MYBPC2: variants seen among roughly 807,000 people sequenced by gnomAD.
MYBPC2 encodes the protein myosin binding protein C2.
A neutral mutation model predicts 137.0 loss-of-function variants in MYBPC2; 122 were observed. The ratio of observed to expected loss-of-function variants is 0.89; its 90% confidence interval spans 0.77 to 1.03. The LOEUF (loss-of-function observed/expected upper bound fraction) is 1.03, where lower values mean the gene tolerates loss of function less well. Among genes scored for constraint, MYBPC2 ranks in the 50% least tolerant of loss-of-function variants. The pLI is 0.00. For synonymous variants in MYBPC2, 626 were observed against 612.3 expected (o/e 1.02, Z -0.33); for missense variants, 1,500 against 1,534.4 (o/e 0.98, Z 0.37).
At position 50,444,836 on chromosome 19, in the gene MYBPC2, C is replaced by T. The variant is rs564690500; in HGVS notation, c.1133+1020C>T. Among the ~76,000 whole-genome samples, 752 of 141,670 alleles carry T rather than the reference C, an allele frequency of 5.3e-3. 3 individuals are homozygous for T. Among genetic ancestry groups the T allele is most frequent in the Non-Finnish European group, 8.6e-3 (573 of 66,526 alleles). The allele number at this position is 141,670 out of a possible 152,430, so 92.9% of individuals were successfully genotyped here. On this transcript the variant is annotated intron_variant, in intron 11 of 27. Coordinates refer to ENST00000357701, the MANE Select transcript of MYBPC2 (RefSeq NM_004533.4). ...CGGAGCTTGCAGTGAGCCGAGATCG[C>T]GCCACTGCACTCCAACCTGGGAGAC...
chr19:50,451,945 T>C lies in MYBPC2; in HGVS notation c.1691T>C (p.Leu564Pro), dbSNP rs770202586. The C allele has an allele frequency of 4.5e-6, 7 of 1,564,326 alleles. No homozygotes were observed. The Admixed American group carries it at 1.2e-4, about 26-fold the overall frequency. ...GTTGTGGCTGGAAACAAGCTGAGGC[T>C]TGACGTGTCCATCACAGGGGAGCCC... ...IVVVAGNKLR[L>P]DVSITGEPPP... The change falls in exon 16 of 28, where the codon CTT becomes CCT. Residue 564 changes from leucine to proline, a missense_variant. Leu to Pro is a moderately conservative substitution (Grantham distance 98, BLOSUM62 -3). Coordinates refer to ENST00000357701, the MANE Select transcript of MYBPC2 (RefSeq NM_004533.4).
chr19:50,434,507 G>A, intron 1 of MYBPC2, among the ~76,000 whole-genome samples: 1 of 152,192 alleles, frequency 6.6e-6, no homozygotes, highest in East Asian at 1.9e-4. Context: ...TCATTTCTGT[G>A]GGCACTGAGG....
At position 50,437,704 on chromosome 19, in the gene MYBPC2, C is replaced by T; in HGVS notation, c.558C>T (p.Gly186=). 1 of 1,603,756 alleles carries T rather than the reference C, an allele frequency of 6.2e-7. No individual in the cohort carries two copies. The highest frequency in any genetic ancestry group is 1.1e-5 in the South Asian group (1 of 88,914). The change falls in exon 7 of 28, where the codon GGC becomes GGT. Residue 186 remains glycine (G), a synonymous_variant. Transcript: ENST00000357701. The stretch of plus-strand genomic sequence containing the variant: ...CTGCAGGTGAGCTGGATTTCAGTGG[C>T]CTGTTGAAGAAGAGGTGAGCCCCGG... The part of the protein sequence containing the change: ...SDTAGELDFS[G]LLKKREVVEE...
intron 13 of MYBPC2, among the ~76,000 whole-genome samples, chr19:50,450,579 C>A (rs1368932638): frequency 1.3e-5 from 2 of 152,166 alleles, no homozygotes; most frequent in African/African-American, 4.8e-5. Context: ...CGATGCTTTA[C>A]AACAACCTTG....
chr19:50,458,779 C>G (rs1297370377), intron 21 of MYBPC2, 25 bp downstream of exon 21: 4 of 1,605,352 alleles, frequency 2.5e-6, no homozygotes, highest in Non-Finnish European at 3.4e-6. Context: ...ACCCTGCGCT[C>G]CGAAAGACCA....
At chr19:50,436,859 G>A (rs1304401495) in intron 5 of MYBPC2, 125 bp downstream of exon 5, 2 of 813,914 alleles carry the variant, frequency 2.5e-6, no homozygotes, top group African/African-American at 1.7e-5. Flanking sequence ...TTTGGAGGAG[G>A]GAGTGCAGAT....
rs1292477916 is a variant in MYBPC2 at position 50,451,946 on chromosome 19, T to G, written c.1692T>G (p.Leu564=). Residue 564 remains leucine (L), a synonymous_variant, in exon 16 of 28, where the codon CTT becomes CTG. Transcript: ENST00000357701. ...IVVVAGNKLR[L]DVSITGEPPP... ...TTGTGGCTGGAAACAAGCTGAGGCT[T>G]GACGTGTCCATCACAGGGGAGCCCC... 1 of 1,563,852 alleles carries G rather than the reference T, an allele frequency of 6.4e-7. No homozygotes were observed. Among genetic ancestry groups the G allele is most frequent in the Non-Finnish European group, 8.7e-7 (1 of 1,153,856 alleles).
At position 50,440,994 on chromosome 19, in the gene MYBPC2, C is replaced by T. The variant is rs2039748982; in HGVS notation, c.687C>T (p.Ile229=). 4 of 1,612,916 alleles carry T rather than the reference C, an allele frequency of 2.5e-6. No individual in the cohort carries two copies. Among genetic ancestry groups the T allele is most frequent in the South Asian group, 2.2e-5 (2 of 90,838 alleles). ...KGAKKSEYEK[I]AFQYGITDLR... is the part of the protein sequence containing the mutation. ...CAAAGAAGAGCGAGTACGAGAAAAT[C>T]GCCTTCCAGTATGGCATCACCGACC... is the stretch of plus-strand genomic sequence containing the variant. Residue 229 remains isoleucine, a synonymous_variant, in exon 8 of 28, where the codon ATC becomes ATT. Transcript: ENST00000357701.
intron 11 of MYBPC2, among the ~76,000 whole-genome samples, chr19:50,444,353 A>T (rs978623729): frequency 3.9e-5 from 6 of 152,050 alleles, no homozygotes; most frequent in Non-Finnish European, 7.3e-5. Flanking sequence ...TGACCCATTC[A>T]TCCATCTACT....
chr19:50,443,913 A>T lies in MYBPC2; in HGVS notation c.1133+97A>T, dbSNP rs563859405. ...GGACCTCCTGTGACTTCTCTTGGAG[A>T]TTTCTGACCTTTACTCAGTAGTCAT... On this transcript the variant is annotated intron_variant, in intron 11 of 27. Transcript: ENST00000357701. 2.9e-5 allele frequency: 33 copies of T among 1,150,650 alleles called. No individual in the cohort carries two copies. In the African/African-American group the frequency reaches 4.3e-4, roughly 15 times the overall value. The allele number at this position is 1,150,650 out of a possible 1,614,324, so 71.3% of individuals were successfully genotyped here.
At chr19:50,448,166 C>G in intron 12 of MYBPC2, 59 bp from the exon 13 acceptor site, 1 of 1,538,588 alleles carries the variant, frequency 6.5e-7, no homozygotes, top group Non-Finnish European at 8.8e-7. Flanking sequence ...TGGGTGCTCA[C>G]AAGTGTCTGT....
Position 50,435,860 on chromosome 19 carries a change from C to A in MYBPC2, c.194C>A (p.Thr65Asn). ...AAGCCGGACTCCGTCTCAGTGGAGA[C>A]TGGTGAGGGGAACCCGGGGGAGGAG... ...LKKPDSVSVE[T>N]GKDAVVVAKV... Residue 65 changes from threonine to asparagine, a missense_variant and splice_region_variant, in exon 3 of 28, where the codon ACT becomes AAT. Coordinates refer to ENST00000357701, the MANE Select transcript of MYBPC2 (RefSeq NM_004533.4). The surrounding 1 kb of genome is among the most constrained non-coding windows in gnomAD (Gnocchi z 4.8). 6.3e-7 allele frequency: 1 copy of A among 1,590,188 alleles called. No homozygotes were observed. The highest frequency in any genetic ancestry group is 2.3e-5 in the East Asian group (1 of 43,864).
chr19:50,460,019 G>A (rs1162434576), intron 23 of MYBPC2, 21 bp from the exon 24 acceptor site: 1 of 1,550,492 alleles, frequency 6.4e-7, no homozygotes, highest in Non-Finnish European at 8.7e-7. Context: ...GGACTGACTT[G>A]TCACACTTCC....
At chr19:50,454,701 C>T (rs2039892757) in intron 18 of MYBPC2, among the ~76,000 whole-genome samples, 1 of 152,088 alleles carries the variant, frequency 6.6e-6, no homozygotes, top group South Asian at 2.1e-4. Context: ...GCTGGGATTA[C>T]AGGTGTCAGC....
intron 13 of MYBPC2, 84 bp downstream of exon 13, chr19:50,448,474 ATT>A (rs1211001890): frequency 5.2e-5 from 62 of 1,185,464 alleles, no homozygotes; most frequent in Middle Eastern, 2.5e-4. Flanking sequence ...TCCCCCATTT[ATT>A]TTTTTTTTTG....
At chr19:50,458,180 C>T (rs964958851) in intron 20 of MYBPC2, among the ~76,000 whole-genome samples, 1 of 151,038 alleles carries the variant, frequency 6.6e-6, no homozygotes, top group African/African-American at 2.4e-5. Flanking sequence ...CGTGGTGGTG[C>T]GAGCCTGTAG....
Position 50,445,976 on chromosome 19 carries a change from C to G in MYBPC2, c.1230C>G (p.Asp410Glu). ...DGKRHILIFS[D>E]VVQEDRGRYQ... The stretch of plus-strand genomic sequence containing the variant: ...AGCGCCACATCCTCATCTTCTCAGA[C>G]GTGGTCCAGGAGGACAGGGGTCGCT... Residue 410 changes from aspartate to glutamate, a missense_variant, in exon 12 of 28, where the codon GAC becomes GAG. By Grantham distance (45) the Asp-to-Glu change is conservative. Coordinates refer to ENST00000357701, the MANE Select transcript of MYBPC2 (RefSeq NM_004533.4). 1.2e-6 allele frequency: 2 copies of G among 1,613,256 alleles called. No individual in the cohort carries two copies. Among genetic ancestry groups the G allele is most frequent in the Non-Finnish European group, 1.7e-6 (2 of 1,179,638 alleles).
At chr19:50,454,545 C>A (rs1179464393) in intron 18 of MYBPC2, among the ~76,000 whole-genome samples, 176 bp downstream of exon 18, 1 of 150,960 alleles carries the variant, frequency 6.6e-6, no homozygotes, top group Non-Finnish European at 1.5e-5. Context: ...CCTGCCTCAG[C>A]CTCGCAAGTA....
chr19:50,450,251 G>T (rs942384156), intron 13 of MYBPC2, among the ~76,000 whole-genome samples: 1 of 152,012 alleles, frequency 6.6e-6, no homozygotes, highest in African/African-American at 2.4e-5. Context: ...TCTAGGTGTG[G>T]TTTTTTTCTT....
Sources: gnomAD v4.1 joint callset for allele counts (sites outside exome capture counted in the v4.1 genomes callset) on GRCh38, gnomAD v4.1.1 for gene constraint, Gnocchi (gnomAD v3.1) non-coding constraint, MANE v1.5 for transcripts, NCBI Gene and HGNC (gene_info 2026-07-23, HGNC 2026-07-21) for gene names.